The following CAMTA1 variants were observed in gnomAD, a reference collection of about 807,000 sequenced individuals.
CAMTA1 encodes the protein calmodulin-binding transcription activator 1.
In CAMTA1, 27 loss-of-function variants were observed where a neutral mutation model predicts 170.9. The observed-to-expected ratio is 0.16, with a 90% CI of 0.12 to 0.22. The LOEUF is 0.22. Among genes scored for constraint, CAMTA1 ranks in the 10% least tolerant of loss-of-function variants. The pLI is 1.00. For missense variants in CAMTA1, 1,619 were observed against 2,217.2 expected (o/e 0.73, Z 5.42); for synonymous variants, 833 against 891.5 (o/e 0.93, Z 1.17).
At chr1:7,291,746 G>A (rs1673170324) in intron 5 of CAMTA1, among the ~76,000 whole-genome samples, 1 of 152,246 alleles carries the variant, frequency 6.6e-6, no homozygotes, top group South Asian at 2.1e-4. Context: ...CAGCCAGCCT[G>A]GCTCCACTCC....
intron 16 of CAMTA1, among the ~76,000 whole-genome samples, chr1:7,739,941 G>A (rs9725978): frequency 1.9e-4 from 28 of 150,746 alleles, no homozygotes; most frequent in Admixed American, 1.2e-3. Context: ...ATCACCTACC[G>A]ACCACTGCAG....
chr1:6,992,841 T>C (rs1346330211), intron 3 of CAMTA1, among the ~76,000 whole-genome samples: 1 of 152,206 alleles, frequency 6.6e-6, no homozygotes, highest in Non-Finnish European at 1.5e-5. Flanking sequence ...GGATTACAAT[T>C]TGGCATGATA....
chr1:7,686,131 C>A (rs2096255618), intron 11 of CAMTA1, among the ~76,000 whole-genome samples: 1 of 152,214 alleles, frequency 6.6e-6, no homozygotes. Context: ...ATGGACTCGG[C>A]ATCTGCTGGG....
At chr1:7,649,975 G>A (rs2095837936) in intron 7 of CAMTA1, among the ~76,000 whole-genome samples, 1 of 152,182 alleles carries the variant, frequency 6.6e-6, no homozygotes, top group Admixed American at 6.5e-5. Context: ...CCAGGTAGTT[G>A]GGAGCTCAGA....
At chr1:7,070,312 A>G (rs1198974778) in intron 3 of CAMTA1, among the ~76,000 whole-genome samples, 1 of 152,220 alleles carries the variant, frequency 6.6e-6, no homozygotes. Context: ...GGAATTCATG[A>G]AGGAGCCTGA....
Position 7,144,923 on chromosome 1 carries a change from G to A in CAMTA1, c.302+53552G>A, listed in dbSNP as rs986525575. On this transcript the variant is annotated intron_variant, in intron 4 of 22. Coordinates refer to ENST00000303635, the MANE Select transcript of CAMTA1 (RefSeq NM_015215.4). This position sits in a 1 kb window ranked among gnomAD's most constrained non-coding sequence, Gnocchi z 4.0. ...GGCAGCACTTGCTTTTTCTTCCCAT[G>A]TTACAAATGCAGACAGGAAGGCCGA... 6.6e-6 allele frequency among the ~76,000 whole-genome samples: 1 copy of A among 152,236 alleles called. No individual in the cohort carries two copies. Among genetic ancestry groups the A allele is most frequent in the African/African-American group, 2.4e-5 (1 of 41,458 alleles).
chr1:7,609,077 G>A lies in CAMTA1; in HGVS notation c.511-31323G>A, dbSNP rs1394168063. ...CCCGCAGGGGTGGGGGCAGTGCTGA[G>A]TCACTTCCTGCCAGAGGACAGGGTC... On this transcript the variant is annotated intron_variant, in intron 6 of 22. Transcript: ENST00000303635. This position sits in a 1 kb window ranked among gnomAD's most constrained non-coding sequence, Gnocchi z 4.4. Among the ~76,000 whole-genome samples the A allele has an allele frequency of 1.3e-5, 2 of 152,158 alleles. No individual in the cohort carries two copies. The highest frequency in any genetic ancestry group is 2.4e-5 in the African/African-American group (1 of 41,450).
Position 7,490,051 on chromosome 1 carries a change from C to T in CAMTA1, c.510+22150C>T, listed in dbSNP as rs562658910. Reference sequence around the variant, plus strand: ...GTGACGTCCTGAAGGTGAAGCCCTCCGCGGCAGCCTCTGCTTCAGGGTGAC... The same window carrying T: ...GTGACGTCCTGAAGGTGAAGCCCTCTGCGGCAGCCTCTGCTTCAGGGTGAC... On this transcript the variant is annotated intron_variant, in intron 6 of 22. Transcript: ENST00000303635. 5.3e-5 allele frequency among the ~76,000 whole-genome samples: 8 copies of T among 152,290 alleles called. No homozygotes were observed. In the East Asian group the frequency reaches 5.8e-4, roughly 11 times the overall value.
Position 7,748,515 on chromosome 1 carries a change from C to G in CAMTA1, c.4689+734C>G, listed in dbSNP as rs981501209. The stretch of plus-strand genomic sequence containing the variant: ...TGAGATACTGGTCTGATCCTAACAC[C>G]AGTATCTTTGCAGTGAGGATCCGTG... On this transcript the variant is annotated intron_variant, in intron 19 of 22. Transcript: ENST00000303635. The surrounding 1 kb of genome is among the most constrained non-coding windows in gnomAD (Gnocchi z 4.7). Among the ~76,000 whole-genome samples the G allele has an allele frequency of 1.3e-5, 2 of 152,176 alleles. No homozygotes were observed. The highest frequency in any genetic ancestry group is 6.5e-5 in the Admixed American group (1 of 15,276).
rs571275767 is a variant in CAMTA1, at chr1:7,762,955, G to GA, written c.4990-3498dup. 1.2e-3 allele frequency among the ~76,000 whole-genome samples: 175 copies of GA among 152,100 alleles called. 2 individuals are homozygous for GA. Among genetic ancestry groups the GA allele is most frequent in the African/African-American group, 3.8e-3 (158 of 41,500 alleles). ...TGCATGTTTCTTATAAAGTCTTTTA[G>GA]AAAAAACAATAAAATATGATTTTTA... is the stretch of plus-strand genomic sequence containing the variant. On this transcript the variant is annotated intron_variant, in intron 22 of 22. Transcript: ENST00000303635.
intron 2 of CAMTA1, among the ~76,000 whole-genome samples, chr1:6,823,784 T>A (rs1646793628): frequency 6.6e-6 from 1 of 152,170 alleles, no homozygotes; most frequent in South Asian, 2.1e-4. Context: ...AACAAAGCCG[T>A]AGTAAATAAC....
intron 6 of CAMTA1, among the ~76,000 whole-genome samples, chr1:7,557,820 A>G (rs1345830035): frequency 2.0e-5 from 3 of 152,126 alleles, no homozygotes; most frequent in Non-Finnish European, 4.4e-5. Flanking sequence ...GGCAGGAGGC[A>G]TCTCGGGATC....
intron 4 of CAMTA1, among the ~76,000 whole-genome samples, chr1:7,104,972 C>T (rs943506701): frequency 6.6e-6 from 1 of 152,186 alleles, no homozygotes; most frequent in African/African-American, 2.4e-5. Context: ...TTTGGTTCTG[C>T]TCCTTCTAGA....
intron 6 of CAMTA1, among the ~76,000 whole-genome samples, chr1:7,553,215 G>C (rs1040299738): frequency 6.9e-6 from 1 of 144,654 alleles, no homozygotes; most frequent in Admixed American, 6.9e-5. Flanking sequence ...GAGTGAATAA[G>C]TGAGTGAATG....
At chr1:7,315,200 C>A (rs549625892) in intron 5 of CAMTA1, among the ~76,000 whole-genome samples, 1 of 152,318 alleles carries the variant, frequency 6.6e-6, no homozygotes, top group East Asian at 1.9e-4. Context: ...TCTACCCACG[C>A]ACCTTAGGAC....
chr1:7,710,819 C>T (rs1321112748), intron 11 of CAMTA1, among the ~76,000 whole-genome samples: 1 of 152,022 alleles, frequency 6.6e-6, no homozygotes, highest in Admixed American at 6.6e-5. Context: ...ACAGGCTTAT[C>T]GTCTGCCAAA....
intron 6 of CAMTA1, among the ~76,000 whole-genome samples, chr1:7,581,736 G>A (rs893376807): frequency 1.3e-5 from 2 of 152,248 alleles, no homozygotes; most frequent in African/African-American, 2.4e-5. Flanking sequence ...GCACTGGGAG[G>A]CTGCTAGCAT....
chr1:7,178,108 C>T (rs1651340412), intron 4 of CAMTA1, among the ~76,000 whole-genome samples: 1 of 152,200 alleles, frequency 6.6e-6, no homozygotes, highest in African/African-American at 2.4e-5. Context: ...CCTGAGAAGT[C>T]CCTCCTGAGG....
intron 5 of CAMTA1, among the ~76,000 whole-genome samples, chr1:7,356,318 C>G (rs1049824350): frequency 6.6e-6 from 1 of 152,252 alleles, no homozygotes; most frequent in Non-Finnish European, 1.5e-5. Context: ...CCTTGGCCGA[C>G]AGGCTGGGAT....
Sources: gnomAD v4.1 joint callset for allele counts (sites outside exome capture counted in the v4.1 genomes callset) on GRCh38, gnomAD v4.1.1 for gene constraint, Gnocchi (gnomAD v3.1) non-coding constraint, MANE v1.5 for transcripts, NCBI Gene and HGNC (gene_info 2026-07-23, HGNC 2026-07-21) for gene names.